The following GPC3 variants were observed in gnomAD, a reference collection of about 807,000 sequenced individuals.
GPC3 encodes glypican 3.
Under a neutral mutation model 34.4 loss-of-function variants are expected in GPC3, and 3 were observed. The observed-to-expected ratio is 0.09, with a 90% CI of 0.04 to 0.23. GPC3 has a LOEUF of 0.23. Ranked by LOEUF, GPC3 falls within the 10% of genes least tolerant of loss-of-function variation. The pLI is 1.00. For missense variants in GPC3, 351 were observed against 445.6 expected, an observed-to-expected ratio of 0.79 and a Z score of 1.91; for synonymous variants, 177 against 174.0, an observed-to-expected ratio of 1.02 and a Z score of -0.13.
At chrX:133,595,076 C>A (rs778356899) in intron 7 of GPC3, among the ~76,000 whole-genome samples, 17 of 109,877 alleles carry the variant, frequency 1.5e-4, no homozygotes, top group Non-Finnish European at 3.2e-4. Flanking sequence ...AAGAAAAAGT[C>A]AAAAGAGGGA....
chrX:133,927,156 A>G (rs1300416763), intron 2 of GPC3, among the ~76,000 whole-genome samples: 1 of 111,794 alleles, frequency 8.9e-6, no homozygotes, highest in East Asian at 2.8e-4. Context: ...GAAAAAATAA[A>G]GAACATACCT....
At chrX:133,699,663 C>T (rs1359718681) in intron 4 of GPC3, among the ~76,000 whole-genome samples, 4 of 111,919 alleles carry the variant, frequency 3.6e-5, no homozygotes, top group Non-Finnish European at 7.5e-5. Context: ...AAGTCCTTTC[C>T]ACACATGTTG....
At chrX:133,566,556 T>A (rs1913952203) in intron 7 of GPC3, among the ~76,000 whole-genome samples, 2 of 111,983 alleles carry the variant, frequency 1.8e-5, no homozygotes, top group African/African-American at 6.5e-5. Context: ...TCCAAAATCT[T>A]TAGCTGTACT....
chrX:133,646,527 G>A (rs763032176), intron 6 of GPC3, among the ~76,000 whole-genome samples: 117 of 111,408 alleles, frequency 1.1e-3, no homozygotes, highest in Non-Finnish European at 1.7e-3. Context: ...ATCTATACTC[G>A]AGGCATGAAT....
intron 4 of GPC3, among the ~76,000 whole-genome samples, chrX:133,695,250 T>C (rs2071104655): frequency 2.7e-5 from 3 of 111,966 alleles, no homozygotes; most frequent in African/African-American, 9.7e-5. Context: ...CCTCCATGAT[T>C]CAATTATCTC....
chrX:133,595,325 G>C (rs1017508606), intron 7 of GPC3, among the ~76,000 whole-genome samples: 1 of 111,079 alleles, frequency 9.0e-6, no homozygotes. Flanking sequence ...ACCCGAGGTA[G>C]ATTTCTAGTT....
chrX:133,734,987 A>G (rs1301844611), intron 3 of GPC3, among the ~76,000 whole-genome samples: 1 of 112,251 alleles, frequency 8.9e-6, no homozygotes, highest in East Asian at 2.8e-4. Context: ...GATATAAATA[A>G]GTGAAAAGAC....
At chrX:133,919,811 C>T (rs188664443) in intron 2 of GPC3, among the ~76,000 whole-genome samples, 1 of 104,947 alleles carries the variant, frequency 9.5e-6, no homozygotes, top group Non-Finnish European at 2.0e-5. Flanking sequence ...CACTGCACTC[C>T]AGCCTATGTG....
At chrX:133,590,621 T>C (rs572704496) in intron 7 of GPC3, among the ~76,000 whole-genome samples, 7 of 112,196 alleles carry the variant, frequency 6.2e-5, no homozygotes, top group African/African-American at 2.3e-4. Context: ...GCAAAATTAA[T>C]TGTGGTTTTT....
intron 3 of GPC3, among the ~76,000 whole-genome samples, chrX:133,748,926 C>T (rs1281592628): frequency 1.3e-4 from 15 of 111,645 alleles, no homozygotes. Flanking sequence ...GCTGGATTTG[C>T]TCCCAAGGGA....
intron 2 of GPC3, among the ~76,000 whole-genome samples, chrX:133,892,283 CTTCATTGTACA>C (rs2076091402): frequency 8.9e-6 from 1 of 111,843 alleles, no homozygotes; most frequent in Non-Finnish European, 1.9e-5. Context: ...TCGACAAACC[CTTCATTGTACA>C]TTCTACTTTC....
intron 1 of GPC3, among the ~76,000 whole-genome samples, chrX:133,956,360 C>T (rs2076416369): frequency 8.9e-6 from 1 of 112,159 alleles, no homozygotes; most frequent in Non-Finnish European, 1.9e-5. Context: ...GTTCTTACTA[C>T]ATGAAGTTAC....
At chrX:133,706,666 G>T (rs2071222098) in intron 3 of GPC3, among the ~76,000 whole-genome samples, 2 of 112,023 alleles carry the variant, frequency 1.8e-5, no homozygotes, top group South Asian at 7.4e-4. Flanking sequence ...TCATCTCACA[G>T]AATTTAGAAT....
At chrX:133,901,245 C>T (rs1319090337) in intron 2 of GPC3, among the ~76,000 whole-genome samples, 1 of 111,172 alleles carries the variant, frequency 9.0e-6, no homozygotes, top group Non-Finnish European at 1.9e-5. Context: ...GCTTAAAAGA[C>T]ATTAACCTAG....
chrX:133,632,429 A>C (rs1390809158), intron 6 of GPC3, among the ~76,000 whole-genome samples: 1 of 111,912 alleles, frequency 8.9e-6, no homozygotes, highest in Non-Finnish European at 1.9e-5. Flanking sequence ...GCAACACAAC[A>C]TATGTGCTCA....
At chrX:133,814,361 C>T (rs889383407) in intron 2 of GPC3, among the ~76,000 whole-genome samples, 1 of 110,819 alleles carries the variant, frequency 9.0e-6, no homozygotes, top group Non-Finnish European at 1.9e-5. Context: ...AGTTCCCCAC[C>T]CTGGAATGAA....
chrX:133,905,428 A>T (rs2076163685), intron 2 of GPC3, among the ~76,000 whole-genome samples: 1 of 112,416 alleles, frequency 8.9e-6, no homozygotes, highest in African/African-American at 3.2e-5. Flanking sequence ...CAGAGCAGTG[A>T]CACTATAAAG....
intron 2 of GPC3, among the ~76,000 whole-genome samples, chrX:133,875,509 C>T: frequency 9.0e-6 from 1 of 111,473 alleles, no homozygotes; most frequent in Non-Finnish European, 1.9e-5. Context: ...TTTATTCCAG[C>T]TCAAATAGTT....
chrX:133,914,949 A>C (rs1164388687), intron 2 of GPC3, among the ~76,000 whole-genome samples: 1 of 73,088 alleles, frequency 1.4e-5, no homozygotes, highest in Non-Finnish European at 2.6e-5. Context: ...CTGGAAATAT[A>C]TATATATATA....
Sources: gnomAD v4.1 joint callset for allele counts (sites outside exome capture counted in the v4.1 genomes callset) on GRCh38, gnomAD v4.1.1 for gene constraint, MANE v1.5 for transcripts, NCBI Gene and HGNC (gene_info 2026-07-23, HGNC 2026-07-21) for gene names.